The following IGFBP2 variants were observed in gnomAD, a reference collection of about 807,000 sequenced individuals.
IGFBP2 encodes insulin-like growth factor-binding protein 2.
A neutral mutation model predicts 26.2 loss-of-function variants in IGFBP2; 12 were observed. The observed-to-expected ratio is 0.46, with a 90% CI of 0.29 to 0.74. IGFBP2 has a LOEUF of 0.74. Among genes scored for constraint, IGFBP2 ranks in the 30% least tolerant of loss-of-function variants. The pLI is 0.09. For synonymous variants in IGFBP2, 189 were observed against 200.6 expected, an observed-to-expected ratio of 0.94 and a Z score of 0.49; for missense variants, 328 against 441.2, an observed-to-expected ratio of 0.74 and a Z score of 2.30.
rs369443531 is a variant in IGFBP2 at position 216,664,106 on chromosome 2, C to T, written c.*2C>T. 2.5e-6 allele frequency: 4 copies of T among 1,583,846 alleles called. No homozygotes were observed. Among genetic ancestry groups the T allele is most frequent in the Non-Finnish European group, 3.4e-6 (4 of 1,163,356 alleles). Reference sequence around the variant, plus strand: ...GTGCACACCCAGCGGATGCAGTAGACCGCAGCCAGCCGGTGCCTGGCGCCC... The same window carrying T: ...GTGCACACCCAGCGGATGCAGTAGATCGCAGCCAGCCGGTGCCTGGCGCCC... On this transcript the variant is annotated 3_prime_UTR_variant, in exon 4 of 4. Coordinates refer to ENST00000233809, the MANE Select transcript of IGFBP2 (RefSeq NM_000597.3). The surrounding 1 kb of genome is among the most constrained non-coding windows in gnomAD (Gnocchi z 4.6).
intron 1 of IGFBP2, among the ~76,000 whole-genome samples, chr2:216,658,349 C>G (rs1697958020): frequency 6.6e-6 from 1 of 152,026 alleles, no homozygotes. Flanking sequence ...TTTGAACATG[C>G]TCAGCCGTGG....
At chr2:216,648,523 T>C (rs1574560209) in intron 1 of IGFBP2, among the ~76,000 whole-genome samples, 1 of 152,214 alleles carries the variant, frequency 6.6e-6, no homozygotes, top group East Asian at 1.9e-4. Context: ...CCTCTTCCAG[T>C]AGGGCTTCAG....
chr2:216,660,893 C>T (rs1688626969), intron 2 of IGFBP2, 107 bp downstream of exon 2: 2 of 826,468 alleles, frequency 2.4e-6, no homozygotes, highest in African/African-American at 1.7e-5. Context: ...GACCTGTAGG[C>T]AAAGCACTTT....
intron 1 of IGFBP2, among the ~76,000 whole-genome samples, chr2:216,657,891 A>G (rs1466747310): frequency 1.3e-5 from 2 of 152,200 alleles, no homozygotes; most frequent in African/African-American, 4.8e-5. Flanking sequence ...TCAGGTTTAT[A>G]CATTTAACAT....
intron 1 of IGFBP2, among the ~76,000 whole-genome samples, chr2:216,642,135 A>G (rs1697628349): frequency 7.4e-6 from 1 of 134,910 alleles, no homozygotes; most frequent in African/African-American, 2.8e-5. Flanking sequence ...GAGTAGCTGG[A>G]CTATAGGCAC....
At chr2:216,655,370 T>A (rs1056694554) in intron 1 of IGFBP2, among the ~76,000 whole-genome samples, 1 of 152,154 alleles carries the variant, frequency 6.6e-6, no homozygotes, top group Non-Finnish European at 1.5e-5. Context: ...GTTGTTCTCG[T>A]GATAGCGAGT....
rs1061244 is a variant in IGFBP2 at position 216,664,271 on chromosome 2, C to T, written c.*167C>T. ...CGAGCTCGGCACCTCCCCGGCCTCTCTCTTCCCAGCTGCAGATGCCACACC... is the reference window on the plus strand; with the variant it reads ...CGAGCTCGGCACCTCCCCGGCCTCTTTCTTCCCAGCTGCAGATGCCACACC... On this transcript the variant is annotated 3_prime_UTR_variant, in exon 4 of 4. Transcript: ENST00000233809. This position sits in a 1 kb window ranked among gnomAD's most constrained non-coding sequence, Gnocchi z 4.6. The T allele has an allele frequency of 1.2e-5, 6 of 496,728 alleles. No homozygotes were observed. Among genetic ancestry groups the T allele is most frequent in the South Asian group, 4.3e-5 (1 of 23,004 alleles). 30.8% of individuals were successfully genotyped at this position (496,728 alleles called of 1,614,324 possible).
intron 1 of IGFBP2, among the ~76,000 whole-genome samples, chr2:216,640,510 G>C (rs1040354560): frequency 2.6e-5 from 4 of 152,204 alleles, no homozygotes; most frequent in African/African-American, 9.6e-5. Context: ...CCAGGAGATT[G>C]GTGGTGCTCG....
intron 1 of IGFBP2, among the ~76,000 whole-genome samples, chr2:216,648,191 T>C (rs1259314889): frequency 6.6e-6 from 1 of 152,220 alleles, no homozygotes; most frequent in Non-Finnish European, 1.5e-5. Context: ...GAACGGCTCC[T>C]TCCCTTCCCT....
At chr2:216,647,539 A>C (rs1243070926) in intron 1 of IGFBP2, among the ~76,000 whole-genome samples, 1 of 152,116 alleles carries the variant, frequency 6.6e-6, no homozygotes, top group Non-Finnish European at 1.5e-5. Flanking sequence ...ATTTATTTTG[A>C]GACAGAGTCC....
In IGFBP2 at chr2:216,660,663, G is replaced by A. The variant is rs1249375574; in HGVS notation, c.549G>A (p.Ser183=). ...GGSAGRKPLK[S]GMKELAVFRE... ...GTGCTGGCCGGAAGCCCCTCAAGTC[G>A]GGTATGAAGGAGCTGGCCGTGTTCC... Residue 183 remains serine (S), a synonymous_variant, in exon 2 of 4, where the codon TCG becomes TCA. Transcript: ENST00000233809. 9 of 1,614,052 alleles carry A rather than the reference G, an allele frequency of 5.6e-6. No individual in the cohort carries two copies. The highest frequency in any genetic ancestry group is 1.7e-5 in the Admixed American group (1 of 60,006).
rs1697427129 is a variant in IGFBP2, at chr2:216,633,561, CGCCGCCGCCGCTGCT to C, written c.44_58del (p.Pro15_Pro19del). 9.2e-6 allele frequency: 9 copies of C among 973,118 alleles called. No individual in the cohort carries two copies. Among genetic ancestry groups the C allele is most frequent in the Non-Finnish European group, 1.1e-5 (9 of 832,538 alleles). The allele number at this position is 973,118 out of a possible 1,614,324, so 60.3% of individuals were successfully genotyped here. A position where few individuals can be genotyped will look rare whatever the true frequency, so the allele number is the denominator to read the frequency against. On this transcript the variant is annotated inframe_deletion, in exon 1 of 4. Transcript: ENST00000233809. Reference sequence around the variant, plus strand: ...GTGGGCTGCCCCGCGCTGCCGCTGCCGCCGCCGCCGCTGCTGCCGCTGCTGCTGCTGCTACTGGGC... The same window carrying C: ...GTGGGCTGCCCCGCGCTGCCGCTGCCGCCGCTGCTGCTGCTGCTACTGGGC...
chr2:216,659,735 T>G, intron 1 of IGFBP2: 1 of 1,535,820 alleles, frequency 6.5e-7, no homozygotes, highest in African/African-American at 1.4e-5. Flanking sequence ...TCACGAAGCT[T>G]CATGCCCTGC....
At chr2:216,657,020 G>A (rs1697934035) in intron 1 of IGFBP2, among the ~76,000 whole-genome samples, 1 of 152,230 alleles carries the variant, frequency 6.6e-6, no homozygotes, top group African/African-American at 2.4e-5. Flanking sequence ...GGTACCAAGG[G>A]TTCGGGTGAG....
intron 1 of IGFBP2, among the ~76,000 whole-genome samples, chr2:216,647,763 G>A (rs937050459): frequency 2.0e-5 from 3 of 152,102 alleles, no homozygotes; most frequent in Non-Finnish European, 4.4e-5. Context: ...CTCGTGATCT[G>A]CCCGCCTTGG....
intron 1 of IGFBP2, among the ~76,000 whole-genome samples, chr2:216,639,766 C>T (rs147815625): frequency 0.029 from 4,337 of 152,094 alleles, 168 homozygotes; most frequent in African/African-American, 0.089. Flanking sequence ...CCTCAGCCCC[C>T]CAAGTAGCTG....
At position 216,663,969 on chromosome 2, in the gene IGFBP2, G is replaced by A. The variant is rs746412798; in HGVS notation, c.843G>A (p.Gly281=). The A allele has an allele frequency of 1.2e-6, 2 of 1,614,162 alleles. No homozygotes were observed. The highest frequency in any genetic ancestry group is 1.7e-5 in the Admixed American group (1 of 60,024). The change falls in exon 4 of 4, where the codon GGG becomes GGA. Residue 281 remains glycine (G), a synonymous_variant. Transcript: ENST00000233809. ...AGATGTCTCTGAACGGGCAGCGTGG[G>A]GAGTGCTGGTGTGTGAACCCCAACA... ...QCKMSLNGQR[G]ECWCVNPNTG...
chr2:216,652,631 C>A (rs139326715), intron 1 of IGFBP2, among the ~76,000 whole-genome samples: 1 of 152,184 alleles, frequency 6.6e-6, no homozygotes. Context: ...GTTAATGAAT[C>A]GTCCACTGCT....
intron 2 of IGFBP2, 75 bp from the exon 3 acceptor site, chr2:216,661,783 T>G: frequency 2.3e-4 from 359 of 1,558,124 alleles, no homozygotes; most frequent in Non-Finnish European, 2.9e-4. Context: ...AGCTTCTCGC[T>G]GAGCTTGCGT....
Sources: allele counts gnomAD v4.1 joint callset (sites outside exome capture counted in the v4.1 genomes callset), GRCh38; gene constraint gnomAD v4.1.1; non-coding constraint Gnocchi (gnomAD v3.1); transcripts MANE v1.5; gene names NCBI Gene and HGNC (gene_info 2026-07-23, HGNC 2026-07-21).